Variants in SLC25A12 observed in about 807,000 individuals in gnomAD.
SLC25A12 encodes electrogenic aspartate/glutamate antiporter SLC25A12, mitochondrial.
SLC25A12 carries 32 observed loss-of-function variants against 83.3 expected under a neutral mutation model. The ratio of observed to expected loss-of-function variants is 0.38; its 90% CI spans 0.29 to 0.52. The LOEUF (loss-of-function observed/expected upper bound fraction) is 0.52. Among genes scored for constraint, SLC25A12 ranks in the 20% least tolerant of loss-of-function variants. The probability of loss-of-function intolerance (pLI) is 0.84; values close to 1 mark genes in which losing one functional copy is unlikely to be tolerated. For missense variants in SLC25A12, 611 were observed against 835.6 expected (o/e 0.73, Z 3.31); for synonymous variants, 267 against 291.1 (o/e 0.92, Z 0.84).
At chr2:171,821,077 T>C (rs1409124072) in intron 9 of SLC25A12, among the ~76,000 whole-genome samples, 1 of 119,768 alleles carries the variant, frequency 8.3e-6, no homozygotes, top group Non-Finnish European at 1.6e-5. Context: ...TTGCCCAGGC[T>C]AAAGTGCAGT....
At chr2:171,813,622 T>A in intron 10 of SLC25A12, 125 bp from the exon 11 acceptor site, 2 of 1,104,144 alleles carry the variant, frequency 1.8e-6, no homozygotes, top group Non-Finnish European at 2.7e-6. Context: ...CAAAAGAGAG[T>A]TTATTATTTT....
chr2:171,785,019 A>G lies in SLC25A12; in HGVS notation c.*255T>C. 2.3e-6 allele frequency: 1 copy of G among 440,336 alleles called. No individual in the cohort carries two copies. Among genetic ancestry groups the G allele is most frequent in the East Asian group, 4.7e-5 (1 of 21,144 alleles). 27.3% of individuals were successfully genotyped at this position (440,336 alleles called of 1,614,324 possible). On this transcript the variant is annotated 3_prime_UTR_variant, in exon 18 of 18. Coordinates refer to ENST00000422440, the MANE Select transcript of SLC25A12 (RefSeq NM_003705.5). ...TGTAAGTGCAAGCTGTGCAAAGCAGAGTCTAGAACACTAATTCATGCCAAG... is the reference window on the plus strand; with the variant it reads ...TGTAAGTGCAAGCTGTGCAAAGCAGGGTCTAGAACACTAATTCATGCCAAG...
intron 8 of SLC25A12, among the ~76,000 whole-genome samples, chr2:171,831,649 T>C (rs1684433763): frequency 6.6e-6 from 1 of 152,180 alleles, no homozygotes; most frequent in Admixed American, 6.5e-5. Context: ...CTCACGCCTG[T>C]AATCCCAGCA....
intron 13 of SLC25A12, among the ~76,000 whole-genome samples, chr2:171,801,847 T>G (rs1328721506): frequency 6.6e-6 from 1 of 151,930 alleles, no homozygotes; most frequent in African/African-American, 2.4e-5. Context: ...CCTAAAAATT[T>G]CCAACTCATG....
intron 14 of SLC25A12, 69 bp from the exon 15 acceptor site, chr2:171,791,658 G>A: frequency 1.4e-6 from 2 of 1,451,510 alleles, no homozygotes; most frequent in South Asian, 1.1e-5. Context: ...TGGGATCCAT[G>A]TGACATTTGT....
intron 6 of SLC25A12, among the ~76,000 whole-genome samples, chr2:171,835,186 C>A (rs1684530069): frequency 6.6e-6 from 1 of 152,134 alleles, no homozygotes; most frequent in South Asian, 2.1e-4. Flanking sequence ...TCTTCAAGAC[C>A]CTCAACTGTG....
chr2:171,789,329 T>C (rs561125820), intron 15 of SLC25A12, among the ~76,000 whole-genome samples: 3,735 of 152,132 alleles, frequency 0.025, 62 homozygotes, highest in Non-Finnish European at 0.032. Flanking sequence ...CCCAGGTTCA[T>C]GCCATTCTCC....
chr2:171,858,376 T>C lies in SLC25A12; in HGVS notation c.210-2427A>G, dbSNP rs752992590. 3.9e-5 allele frequency among the ~76,000 whole-genome samples: 6 copies of C among 152,322 alleles called. 1 individual carries two copies. In the South Asian group the frequency reaches 1.2e-3, roughly 32 times the overall value. On this transcript the variant is annotated intron_variant, in intron 3 of 17. Transcript: ENST00000422440. ...ATTTTAAAAATAAAAATAGGCTGAT[T>C]ATGGGTTTTCTTTAAAAAGGCATAA...
At chr2:171,888,433 TA>T (rs914926338) in intron 2 of SLC25A12, among the ~76,000 whole-genome samples, 8 of 151,514 alleles carry the variant, frequency 5.3e-5, no homozygotes, top group East Asian at 1.9e-4. Flanking sequence ...AATATATATA[TA>T]TTTTTTTAAT....
chr2:171,843,795 C>CTT (rs71013078), intron 5 of SLC25A12, among the ~76,000 whole-genome samples: 1,818 of 117,232 alleles, frequency 0.016, 99 homozygotes, highest in East Asian at 0.13. Flanking sequence ...AAAGAACTAG[C>CTT]TTTTTTTTTT....
chr2:171,801,907 C>G (rs910914269), intron 13 of SLC25A12, among the ~76,000 whole-genome samples: 6 of 145,400 alleles, frequency 4.1e-5, no homozygotes, highest in African/African-American at 1.5e-4. Flanking sequence ...ATATCTGGAT[C>G]TGTGTGTGTG....
chr2:171,888,663 A>C (rs1685873998), intron 2 of SLC25A12, among the ~76,000 whole-genome samples: 1 of 151,360 alleles, frequency 6.6e-6, no homozygotes, highest in Non-Finnish European at 1.5e-5. Flanking sequence ...GGCTGGTCTC[A>C]AACTCCTGAC....
chr2:171,826,078 T>C (rs905269837), intron 9 of SLC25A12, among the ~76,000 whole-genome samples: 2 of 152,192 alleles, frequency 1.3e-5, no homozygotes, highest in African/African-American at 4.8e-5. Flanking sequence ...TAAGGCACAA[T>C]CCCAGTGAAT....
chr2:171,877,536 G>A (rs914199453), intron 2 of SLC25A12, among the ~76,000 whole-genome samples: 1 of 151,808 alleles, frequency 6.6e-6, no homozygotes, highest in Admixed American at 6.6e-5. Context: ...CTGATGGTGG[G>A]TGCCTTCAAT....
At chr2:171,796,921 G>A (rs1683609118) in intron 13 of SLC25A12, among the ~76,000 whole-genome samples, 1 of 152,146 alleles carries the variant, frequency 6.6e-6, no homozygotes. Context: ...ATAGGGAAGG[G>A]GGAGTAAAAT....
intron 6 of SLC25A12, 88 bp downstream of exon 6, chr2:171,837,033 G>C (rs10183489): frequency 0.027 from 33,987 of 1,250,140 alleles, 552 homozygotes; most frequent in Non-Finnish European, 0.031. Context: ...ATAGTTGAGA[G>C]TCATATGAGT....
At position 171,785,272 on chromosome 2, in the gene SLC25A12, C is replaced by T; in HGVS notation, c.*2G>A. 6.2e-7 allele frequency: 1 copy of T among 1,614,044 alleles called. No homozygotes were observed. Among genetic ancestry groups the T allele is most frequent in the Non-Finnish European group, 8.5e-7 (1 of 1,179,990 alleles). On this transcript the variant is annotated 3_prime_UTR_variant, in exon 18 of 18. Coordinates refer to ENST00000422440, the MANE Select transcript of SLC25A12 (RefSeq NM_003705.5). ...ATTTTGCCACACTCAACAGTTGTCT[C>T]ATCACTGAGTGGCTGCCACTGCTGC...
At position 171,850,712 on chromosome 2, in the gene SLC25A12, C is replaced by T. The variant is rs9749665; in HGVS notation, c.325+5122G>A. Among the ~76,000 whole-genome samples the T allele has an allele frequency of 4.6e-3, 701 of 152,266 alleles. 7 individuals are homozygous for T. Among genetic ancestry groups the T allele is most frequent in the African/African-American group, 0.016 (664 of 41,562 alleles). On this transcript the variant is annotated intron_variant, in intron 4 of 17. Transcript: ENST00000422440. The stretch of plus-strand genomic sequence containing the variant: ...CTGACCTCAGGTGATCCTCCCGCCT[C>T]GGCCTCCCAAAGTGCTGGGATTACA...
At chr2:171,854,506 G>A (rs746088721) in intron 4 of SLC25A12, among the ~76,000 whole-genome samples, 46 of 152,112 alleles carry the variant, frequency 3.0e-4, no homozygotes, top group Non-Finnish European at 5.9e-5. Context: ...GGCAGGGGTT[G>A]CCGTGAGCCA....
Sources: allele counts gnomAD v4.1 joint callset (sites outside exome capture counted in the v4.1 genomes callset), GRCh38; gene constraint gnomAD v4.1.1; transcripts MANE v1.5; gene names NCBI Gene and HGNC (gene_info 2026-07-23, HGNC 2026-07-21).